The following PTPRG variants were observed in gnomAD, a reference collection of about 807,000 sequenced individuals.
The protein encoded by PTPRG is receptor-type tyrosine-protein phosphatase gamma.
In PTPRG, 102 loss-of-function variants were observed where a neutral mutation model predicts 165.3. The ratio of observed to expected loss-of-function variants is 0.62; its 90% CI spans 0.53 to 0.73. The LOEUF (loss-of-function observed/expected upper bound fraction) is 0.73. PTPRG is among the 30% of genes least tolerant of loss of function. PTPRG has a pLI of 0.00. For synonymous variants in PTPRG, 675 were observed against 669.5 expected, an observed-to-expected ratio of 1.01 and a Z score of -0.13; for missense variants, 1,866 against 1,861.4, an observed-to-expected ratio of 1.00 and a Z score of -0.05.
chr3:61,625,657 G>T (rs1701588603), intron 1 of PTPRG, among the ~76,000 whole-genome samples: 1 of 152,090 alleles, frequency 6.6e-6, no homozygotes, highest in Non-Finnish European at 1.5e-5. Flanking sequence ...GATGTTTGCT[G>T]CTCTCGATGA....
chr3:61,690,285 G>A (rs1210108883), intron 1 of PTPRG, among the ~76,000 whole-genome samples: 1 of 152,196 alleles, frequency 6.6e-6, no homozygotes, highest in African/African-American at 2.4e-5. Context: ...CCCAGGAAGG[G>A]AGCAAGTGTG....
At chr3:61,841,499 G>A (rs2036631481) in intron 2 of PTPRG, among the ~76,000 whole-genome samples, 1 of 152,200 alleles carries the variant, frequency 6.6e-6, no homozygotes, top group South Asian at 2.1e-4. Context: ...GAGGTACAAA[G>A]TGGACTCTTT....
intron 1 of PTPRG, among the ~76,000 whole-genome samples, chr3:61,606,186 C>T (rs1701000956): frequency 6.6e-6 from 1 of 152,176 alleles, no homozygotes; most frequent in Non-Finnish European, 1.5e-5. Flanking sequence ...TCATCGGAGG[C>T]TCATTCTCTC....
chr3:61,653,903 G>GGTT (rs1553644925), intron 1 of PTPRG, among the ~76,000 whole-genome samples: 2 of 137,826 alleles, frequency 1.5e-5, no homozygotes, highest in African/African-American at 5.3e-5. Flanking sequence ...GAGCGGTGGG[G>GGTT]GGCGCGGGGA....
intron 2 of PTPRG, among the ~76,000 whole-genome samples, chr3:61,850,098 T>C (rs1471872790): frequency 6.6e-6 from 1 of 152,218 alleles, no homozygotes; most frequent in Non-Finnish European, 1.5e-5. Flanking sequence ...TAGTTTGCTT[T>C]TAACGTGTAT....
intron 2 of PTPRG, among the ~76,000 whole-genome samples, chr3:61,898,404 G>T (rs775309814): frequency 3.4e-4 from 52 of 152,146 alleles, no homozygotes; most frequent in Non-Finnish European, 6.8e-4. Flanking sequence ...CTCATTGTTT[G>T]CCCTTATGCT....
At chr3:61,966,944 A>C (rs1575831941) in intron 2 of PTPRG, among the ~76,000 whole-genome samples, 1 of 152,190 alleles carries the variant, frequency 6.6e-6, no homozygotes, top group Non-Finnish European at 1.5e-5. Flanking sequence ...CTGCCATAAA[A>C]CTTAAAGTTG....
At chr3:61,680,262 T>G (rs1445835877) in intron 1 of PTPRG, among the ~76,000 whole-genome samples, 1 of 151,982 alleles carries the variant, frequency 6.6e-6, no homozygotes, top group Non-Finnish European at 1.5e-5. Flanking sequence ...AATTGTGAAG[T>G]CGCCTTCAGA....
At chr3:61,782,696 C>G (rs1236839119) in intron 2 of PTPRG, among the ~76,000 whole-genome samples, 1 of 152,186 alleles carries the variant, frequency 6.6e-6, no homozygotes, top group Non-Finnish European at 1.5e-5. Flanking sequence ...CCTAGTTGAC[C>G]TGGCGCATTT....
At chr3:62,048,412 C>T (rs574259547) in intron 4 of PTPRG, among the ~76,000 whole-genome samples, 15 of 152,186 alleles carry the variant, frequency 9.9e-5, no homozygotes, top group Admixed American at 9.2e-4. Context: ...TTATTTCTCC[C>T]AAGATAGGTA....
rs531585074 is a variant in PTPRG, at chr3:61,652,541, C to T, written c.85+90169C>T. Reference sequence around the variant, plus strand: ...TAGGGTTAAGGGATATTCAGTGGAGCAAATGTTCCCCTTCTCTGCCCTTCT... The same window carrying T: ...TAGGGTTAAGGGATATTCAGTGGAGTAAATGTTCCCCTTCTCTGCCCTTCT... On this transcript the variant is annotated intron_variant, in intron 1 of 29. Transcript: ENST00000474889. Among the ~76,000 whole-genome samples, 6 of 152,246 alleles carry T rather than the reference C, an allele frequency of 3.9e-5. No homozygotes were observed. In the South Asian group the frequency reaches 6.2e-4, roughly 16 times the overall value.
chr3:62,167,990 T>C lies in PTPRG; in HGVS notation c.860T>C (p.Ile287Thr), dbSNP rs1705062996. The change falls in exon 8 of 30, where the codon ATC (isoleucine) becomes ACC (threonine). Residue 287 changes from isoleucine (I) to threonine (T), a missense_variant. By Grantham distance (89) the Ile-to-Thr change is moderately conservative. This residue lies in a region of PTPRG where 408 missense variants were observed against 376.2 expected (regional missense o/e 1.08). Coordinates refer to ENST00000474889, the MANE Select transcript of PTPRG (RefSeq NM_002841.4). ...GTTCAGCTTGAGGCTTTTTATTCCA[T>C]CTTCACCACGGAGCAGCAAGACCAT... ...SYHQLEAFYS[I>T]FTTEQQDHVK... 5.0e-6 allele frequency: 8 copies of C among 1,613,292 alleles called. No individual in the cohort carries two copies. Among genetic ancestry groups the C allele is most frequent in the African/African-American group, 1.3e-5 (1 of 74,830 alleles).
intron 2 of PTPRG, among the ~76,000 whole-genome samples, chr3:61,886,102 T>G (rs969844385): frequency 1.3e-5 from 2 of 152,012 alleles, no homozygotes; most frequent in African/African-American, 4.8e-5. Flanking sequence ...GAGGAGAACC[T>G]ATCATGGAAA....
intron 6 of PTPRG, among the ~76,000 whole-genome samples, chr3:62,142,788 G>A (rs1419758352): frequency 2.0e-5 from 3 of 152,194 alleles, no homozygotes. Flanking sequence ...CAGAAACAAA[G>A]GGGATGGGTT....
At chr3:61,822,205 C>G (rs1164706304) in intron 2 of PTPRG, among the ~76,000 whole-genome samples, 1 of 152,198 alleles carries the variant, frequency 6.6e-6, no homozygotes, top group East Asian at 1.9e-4. Flanking sequence ...TCTTTGACTT[C>G]TGTGTCTGTT....
intron 1 of PTPRG, among the ~76,000 whole-genome samples, chr3:61,648,975 A>G (rs186738365): frequency 6.6e-6 from 1 of 152,322 alleles, no homozygotes; most frequent in African/African-American, 2.4e-5. Context: ...TAGACGTTTC[A>G]TATAGTATAG....
chr3:62,023,125 G>GA lies in PTPRG; in HGVS notation c.519+19635dup, dbSNP rs576620458. Among the ~76,000 whole-genome samples the GA allele has an allele frequency of 3.9e-3, 600 of 151,918 alleles. 4 individuals carry two copies. Among genetic ancestry groups the GA allele is most frequent in the African/African-American group, 0.014 (574 of 41,446 alleles). The stretch of plus-strand genomic sequence containing the variant: ...TTGTTCTAAATAATGTAATGAAACA[G>GA]AAAAAAACAATAATGCTAACAATGC... On this transcript the variant is annotated intron_variant, in intron 4 of 29. Transcript: ENST00000474889.
chr3:61,784,342 C>T (rs1448173025), intron 2 of PTPRG, among the ~76,000 whole-genome samples: 1 of 151,992 alleles, frequency 6.6e-6, no homozygotes, highest in Non-Finnish European at 1.5e-5. Context: ...AATGATTTTC[C>T]CTTCCTTCAT....
At chr3:61,839,176 A>C (rs1305277374) in intron 2 of PTPRG, among the ~76,000 whole-genome samples, 1 of 152,198 alleles carries the variant, frequency 6.6e-6, no homozygotes, top group African/African-American at 2.4e-5. Flanking sequence ...GAGAAAAGAA[A>C]TTTCACAGAA....
Sources: gnomAD v4.1 joint callset for allele counts (sites outside exome capture counted in the v4.1 genomes callset) on GRCh38, gnomAD v4.1.1 for gene constraint, gnomAD v4.1.1 regional missense constraint, MANE v1.5 for transcripts, NCBI Gene and HGNC (gene_info 2026-07-23, HGNC 2026-07-21) for gene names.